The following TXNDC5 variants were observed in gnomAD, a reference collection of about 807,000 sequenced individuals.
TXNDC5 encodes the protein thioredoxin domain containing 5, also known as thioredoxin domain-containing protein 5.
Under a neutral mutation model 52.6 loss-of-function variants are expected in TXNDC5, and 44 were observed. That is an observed-to-expected ratio of 0.84 (90% confidence interval 0.66 to 1.08). TXNDC5 has a LOEUF of 1.08. Among genes scored for constraint, TXNDC5 ranks in the 50% least tolerant of loss-of-function variants. The pLI, the probability that TXNDC5 is intolerant of heterozygous loss-of-function variation, is 0.00. For synonymous variants in TXNDC5, 241 were observed against 234.4 expected, an observed-to-expected ratio of 1.03 and a Z score of -0.26; for missense variants, 600 against 565.5, an observed-to-expected ratio of 1.06 and a Z score of -0.62.
rs749433538 is a variant in TXNDC5 at position 7,884,529 on chromosome 6, C to T, written c.1047-41G>A. On this transcript the variant is annotated intron_variant, in intron 8 of 9. Transcript: ENST00000379757. Reference sequence around the variant, plus strand: ...TGGCAGCTTCGTTGAAATCCTGGGTCGAGATCATTCACCTACACTCTGCTG... The same window carrying T: ...TGGCAGCTTCGTTGAAATCCTGGGTTGAGATCATTCACCTACACTCTGCTG... The T allele has an allele frequency of 1.2e-5, 20 of 1,612,184 alleles. No individual in the cohort carries two copies. In the Middle Eastern group the frequency reaches 6.6e-4, roughly 53 times the overall value.
chr6:7,897,182 A>C (rs1414789076), intron 3 of TXNDC5, among the ~76,000 whole-genome samples: 1 of 152,238 alleles, frequency 6.6e-6, no homozygotes, highest in Non-Finnish European at 1.5e-5. Context: ...AGACCACATA[A>C]ATATATAAAA....
chr6:7,882,857 AG>A lies in TXNDC5; in HGVS notation c.*286del, dbSNP rs1759813501. 1 of 282,698 alleles carries A rather than the reference AG, an allele frequency of 3.5e-6. No individual in the cohort carries two copies. The highest frequency in any genetic ancestry group is 6.6e-6 in the Non-Finnish European group (1 of 151,102). The allele number at this position is 282,698 out of a possible 1,614,324, so 17.5% of individuals were successfully genotyped here. On this transcript the variant is annotated 3_prime_UTR_variant, in exon 10 of 10. Transcript: ENST00000379757. ...TCCCTCAACGCTATTTTAGTCTCAA[AG>A]GAAACCATGTAAATTTCATCAAGAG...
chr6:7,885,865 C>T, intron 8 of TXNDC5, 96 bp downstream of exon 8: 2 of 1,084,616 alleles, frequency 1.8e-6, no homozygotes, highest in East Asian at 5.0e-5. Context: ...TAACATGTGC[C>T]CAACATTGAG....
At chr6:7,897,009 CAAA>C (rs1414050278) in intron 3 of TXNDC5, among the ~76,000 whole-genome samples, 1 of 151,994 alleles carries the variant, frequency 6.6e-6, no homozygotes, top group African/African-American at 2.4e-5. Context: ...AAATATCACT[CAAA>C]AGAAGGGGGG....
intron 1 of TXNDC5, among the ~76,000 whole-genome samples, chr6:7,907,637 T>C (rs568484482): frequency 1.3e-5 from 2 of 152,286 alleles, no homozygotes; most frequent in East Asian, 1.9e-4. Flanking sequence ...GAAAAAGGTA[T>C]GTGTGTGTTG....
intron 1 of TXNDC5, among the ~76,000 whole-genome samples, chr6:7,905,414 GA>G (rs910224723): frequency 2.6e-5 from 4 of 151,274 alleles, no homozygotes; most frequent in East Asian, 1.9e-4. Context: ...ATGAGAAGGG[GA>G]AAAAAAAAGT....
At chr6:7,904,848 G>T in intron 1 of TXNDC5, 125 bp from the exon 2 acceptor site, 2 of 1,111,464 alleles carry the variant, frequency 1.8e-6, no homozygotes, top group Non-Finnish European at 2.6e-6. Context: ...GCAGATGGCA[G>T]CTCCTGGACC....
At chr6:7,889,624 G>A (rs765237547) in intron 5 of TXNDC5, 43 bp from the exon 6 acceptor site, 5 of 1,502,994 alleles carry the variant, frequency 3.3e-6, no homozygotes, top group Non-Finnish European at 2.8e-6. Context: ...GTTTCTTCAT[G>A]AACCTTCTTG....
At chr6:7,888,073 G>A (rs1187435470) in intron 7 of TXNDC5, among the ~76,000 whole-genome samples, 2 of 152,188 alleles carry the variant, frequency 1.3e-5, no homozygotes, top group African/African-American at 4.8e-5. Flanking sequence ...TTCAGAGGCA[G>A]GAAACCGGTC....
At position 7,910,681 on chromosome 6, in the gene TXNDC5, C is replaced by A; in HGVS notation, c.96G>T (p.Gly32=). ...CCTCCTGGGCCCGGGCGCCCCAGCG[C>A]CCGCCGCCGCCATGGCCCAGCAGCA... ...LLLLLGHGGG[G]RWGARAQEAA... Residue 32 remains glycine, a synonymous_variant, in exon 1 of 10, where the codon GGG becomes GGT. Coordinates refer to ENST00000379757, the MANE Select transcript of TXNDC5 (RefSeq NM_030810.5). The A allele has an allele frequency of 9.0e-7, 1 of 1,116,714 alleles. No individual in the cohort carries two copies. The highest frequency in any genetic ancestry group is 1.1e-6 in the Non-Finnish European group (1 of 914,806). The allele number at this position is 1,116,714 out of a possible 1,614,324, so 69.2% of individuals were successfully genotyped here.
chr6:7,906,959 GC>G (rs1760756364), intron 1 of TXNDC5, among the ~76,000 whole-genome samples: 2 of 152,190 alleles, frequency 1.3e-5, no homozygotes, highest in South Asian at 4.1e-4. Flanking sequence ...AACCAAAGAA[GC>G]CATGATAGTT....
chr6:7,888,353 G>T (rs189219176), intron 7 of TXNDC5, among the ~76,000 whole-genome samples: 1 of 152,302 alleles, frequency 6.6e-6, no homozygotes, highest in African/African-American at 2.4e-5. Context: ...CCCGGGGCCA[G>T]CAGTCGAGAT....
chr6:7,896,477 T>TG (rs1334707459), intron 3 of TXNDC5, among the ~76,000 whole-genome samples: 3 of 152,220 alleles, frequency 2.0e-5, no homozygotes, highest in Non-Finnish European at 4.4e-5. Context: ...AGCTTTTATC[T>TG]GGGGGTTCAT....
rs1410673467 is a variant in TXNDC5 at position 7,889,229 on chromosome 6, T to C, written c.819+266A>G. The C allele has an allele frequency of 8.4e-6, 4 of 474,344 alleles. No individual in the cohort carries two copies. The East Asian group carries it at 1.4e-4, about 16-fold the overall frequency. 29.4% of individuals were successfully genotyped at this position (474,344 alleles called of 1,614,324 possible). On this transcript the variant is annotated intron_variant, in intron 6 of 9. Transcript: ENST00000379757. ...GTTCAAAGGCCTGAAGGTTTGTGTT[T>C]ACAACCAGAGCACAGTTACCCTGTG...
intron 4 of TXNDC5, among the ~76,000 whole-genome samples, chr6:7,892,151 C>T (rs1285855449): frequency 1.3e-5 from 2 of 152,226 alleles, no homozygotes; most frequent in African/African-American, 4.8e-5. Context: ...GACCCAGGCT[C>T]TGCCTGTCAT....
intron 5 of TXNDC5, 55 bp from the exon 6 acceptor site, chr6:7,889,636 T>A: frequency 7.3e-7 from 1 of 1,375,910 alleles, no homozygotes; most frequent in Non-Finnish European, 1.0e-6. Flanking sequence ...ACCTTCTTGC[T>A]AATGGGGCTA....
chr6:7,883,221 C>G lies in TXNDC5; in HGVS notation c.1222G>C (p.Val408Leu), dbSNP rs747586418. The G allele has an allele frequency of 5.0e-6, 8 of 1,614,074 alleles. No individual in the cohort carries two copies. In the East Asian group the frequency reaches 1.6e-4, roughly 31 times the overall value. Reference protein sequence around the residue: ...TLLLFRGGKKVSEHSGGRDLD... With the variant: ...TLLLFRGGKKLSEHSGGRDLD... ...TCTCTGCCTCCACTGTGCTCACTGA[C>G]TTTCTTCCCTCCTCGGAAAAGCAAT... is the stretch of plus-strand genomic sequence containing the variant. Residue 408 changes from valine to leucine, a missense_variant, in exon 10 of 10, where the codon GTC (valine) becomes CTC (leucine). Val to Leu is a conservative substitution (Grantham distance 32, BLOSUM62 1). Transcript: ENST00000379757.
chr6:7,908,281 C>CAAAAAAAAAA (rs57783770), intron 1 of TXNDC5, among the ~76,000 whole-genome samples: 1 of 62,764 alleles, frequency 1.6e-5, no homozygotes, highest in Non-Finnish European at 3.2e-5. Context: ...GACTCCATCT[C>CAAAAAAAAAA]AAAAAAAAAA....
At chr6:7,906,235 T>A (rs112284451) in intron 1 of TXNDC5, among the ~76,000 whole-genome samples, 23 of 150,930 alleles carry the variant, frequency 1.5e-4, no homozygotes, top group African/African-American at 4.9e-4. Flanking sequence ...AGATTTTGTC[T>A]CTTAAGAAAA....
Sources: gnomAD v4.1 joint callset for allele counts (sites outside exome capture counted in the v4.1 genomes callset) on GRCh38, gnomAD v4.1.1 for gene constraint, MANE v1.5 for transcripts, NCBI Gene and HGNC (gene_info 2026-07-23, HGNC 2026-07-21) for gene names.